The following SGPP2 variants were observed in gnomAD, a reference collection of about 807,000 sequenced individuals.
The protein encoded by SGPP2 is sphingosine 1-phosphate phosphohydrolase 2.
Under a neutral mutation model 33.9 loss-of-function variants are expected in SGPP2, and 30 were observed. That is an observed-to-expected ratio of 0.89 (90% CI 0.66 to 1.20). The LOEUF is 1.20. Ranked by LOEUF, SGPP2 falls within the 50% of genes most tolerant of loss-of-function variation. The pLI, the probability that SGPP2 is intolerant of heterozygous loss-of-function variation, is 0.00. For missense variants in SGPP2, 458 were observed against 532.1 expected, an observed-to-expected ratio of 0.86 and a Z score of 1.37; for synonymous variants, 233 against 225.0, an observed-to-expected ratio of 1.04 and a Z score of -0.32.
intron 2 of SGPP2, among the ~76,000 whole-genome samples, chr2:222,497,078 A>G (rs889948657): frequency 2.0e-5 from 3 of 152,292 alleles, no homozygotes; most frequent in African/African-American, 7.2e-5. Context: ...TCTTAATGGA[A>G]TGGCTCCCCA....
chr2:222,514,000 A>C (rs1252155047), intron 2 of SGPP2, among the ~76,000 whole-genome samples: 1 of 152,264 alleles, frequency 6.6e-6, no homozygotes, highest in African/African-American at 2.4e-5. Context: ...CACTAAATTT[A>C]AAATAATAGC....
chr2:222,492,415 C>G (rs991914910), intron 2 of SGPP2, among the ~76,000 whole-genome samples: 3 of 152,270 alleles, frequency 2.0e-5, no homozygotes, highest in Non-Finnish European at 4.4e-5. Flanking sequence ...GCCACCAAGG[C>G]TTGGGGCTTG....
Position 222,458,905 on chromosome 2 carries a change from A to G in SGPP2, c.220-15663A>G, listed in dbSNP as rs368234272. Among the ~76,000 whole-genome samples, 254 of 152,268 alleles carry G rather than the reference A, an allele frequency of 1.7e-3. 2 individuals are homozygous for G. The Middle Eastern group carries it at 0.017, about 10-fold the overall frequency. On this transcript the variant is annotated intron_variant, in intron 1 of 4. Transcript: ENST00000321276. The stretch of plus-strand genomic sequence containing the variant: ...GTGGTTTCCCTATACATGTGTACAT[A>G]TTAAGTAGGCCCAGATAGAATAGCA...
chr2:222,558,421 C>T lies in SGPP2; in HGVS notation c.723C>T (p.Cys241=). ...ACCCTGCCTGGACCTTCATCGACTG[C>T]CTGGACTCGGCCAGCCCCCTCTTCC... ...LTYPAWTFID[C]LDSASPLFPV... Residue 241 remains cysteine (C), a synonymous_variant, in exon 5 of 5, where the codon TGC becomes TGT. Transcript: ENST00000321276. The T allele has an allele frequency of 6.2e-7, 1 of 1,614,168 alleles. No homozygotes were observed. Among genetic ancestry groups the T allele is most frequent in the Non-Finnish European group, 8.5e-7 (1 of 1,180,028 alleles).
In SGPP2 at chr2:222,550,939, G is replaced by A. The variant is rs780035118; in HGVS notation, c.649-7408G>A. ...ATTTTCTTAGAATCAATTCCTAGGA[G>A]TGGAATCACTGGGTCTAGGTGTTTG... On this transcript the variant is annotated intron_variant, in intron 4 of 4. Coordinates refer to ENST00000321276, the MANE Select transcript of SGPP2 (RefSeq NM_152386.4). The surrounding 1 kb of genome is among the most constrained non-coding windows in gnomAD (Gnocchi z 4.5). Among the ~76,000 whole-genome samples the A allele has an allele frequency of 5.9e-5, 9 of 152,198 alleles. No homozygotes were observed. The highest frequency in any genetic ancestry group is 1.2e-4 in the Non-Finnish European group (8 of 68,034).
Position 222,474,482 on chromosome 2 carries a change from A to G in SGPP2, c.220-86A>G, listed in dbSNP as rs576225728. On this transcript the variant is annotated intron_variant, in intron 1 of 4. Transcript: ENST00000321276. ...TGGGAGAGGAGACAGCGTCTTGGCA[A>G]TTGAGACCTGTGAGTTTTAGACAGA... 27 of 1,265,808 alleles carry G rather than the reference A, an allele frequency of 2.1e-5. No individual in the cohort carries two copies. The South Asian group carries it at 3.0e-4, about 14-fold the overall frequency. The allele number at this position is 1,265,808 out of a possible 1,614,324, so 78.4% of individuals were successfully genotyped here.
intron 4 of SGPP2, among the ~76,000 whole-genome samples, chr2:222,535,651 C>T (rs74409702): frequency 0.021 from 3,233 of 152,306 alleles, 83 homozygotes; most frequent in African/African-American, 0.059. Flanking sequence ...TCCTTTCTGC[C>T]GCAGTGGAGA....
At position 222,476,984 on chromosome 2, in the gene SGPP2, G is replaced by A. The variant is rs1697946583; in HGVS notation, c.378+2258G>A. Among the ~76,000 whole-genome samples the A allele has an allele frequency of 6.6e-6, 1 of 151,466 alleles. No individual in the cohort carries two copies. Among genetic ancestry groups the A allele is most frequent in the African/African-American group, 2.4e-5 (1 of 41,160 alleles). ...AGTGTGTATATGTGTATATATAGGT[G>A]TGTGTATATTTTGTGTATTTATGTG... On this transcript the variant is annotated intron_variant, in intron 2 of 4. Transcript: ENST00000321276. This position sits in a 1 kb window ranked among gnomAD's most constrained non-coding sequence, Gnocchi z 4.3.
In SGPP2 at chr2:222,532,280, AG is replaced by A. The variant is rs1698850596; in HGVS notation, c.648+7248del. Among the ~76,000 whole-genome samples the A allele has an allele frequency of 3.3e-5, 5 of 152,158 alleles. No individual in the cohort carries two copies. The South Asian group carries it at 8.3e-4, about 25-fold the overall frequency. On this transcript the variant is annotated intron_variant, in intron 4 of 4. Coordinates refer to ENST00000321276, the MANE Select transcript of SGPP2 (RefSeq NM_152386.4). ...CAAGAGTGAAACTCTGTCTCAAAAAAGAAAAAAAAGAAAAGAAAAAAGAAAA... is the reference window on the plus strand; with the variant it reads ...CAAGAGTGAAACTCTGTCTCAAAAAAAAAAAAAAGAAAAGAAAAAAGAAAA...
At chr2:222,498,087 C>A (rs1339320563) in intron 2 of SGPP2, among the ~76,000 whole-genome samples, 1 of 150,558 alleles carries the variant, frequency 6.6e-6, no homozygotes, top group Non-Finnish European at 1.5e-5. Flanking sequence ...ACACAGGACC[C>A]CTTCTCAGTC....
intron 1 of SGPP2, among the ~76,000 whole-genome samples, chr2:222,459,142 C>CTTTCTTTTTTTTTTTTTTTTTTT (rs1414316448): frequency 2.1e-5 from 2 of 94,464 alleles, no homozygotes; most frequent in Non-Finnish European, 4.3e-5. Context: ...TTCTTTCTTT[C>CTTTCTTTTTTTTTTTTTTTTTTT]TTTTTTTTTT....
rs1574897777 is a variant in SGPP2, at chr2:222,558,971, T to C, written c.*73T>C. The C allele has an allele frequency of 4.8e-6, 7 of 1,457,094 alleles. No individual in the cohort carries two copies. The East Asian group carries it at 1.6e-4, about 33-fold the overall frequency. The allele number at this position is 1,457,094 out of a possible 1,614,324, so 90.3% of individuals were successfully genotyped here. A position where few individuals can be genotyped will look rare whatever the true frequency, so the allele number is the denominator to read the frequency against. ...TAGGAAAGTTATTGGTAGGCAAATC[T>C]TGACAACTTATTTTTCTTTAACAAC... is the stretch of plus-strand genomic sequence containing the variant. On this transcript the variant is annotated 3_prime_UTR_variant, in exon 5 of 5. Transcript: ENST00000321276.
chr2:222,445,035 A>G (rs901418210), intron 1 of SGPP2, among the ~76,000 whole-genome samples: 3 of 152,198 alleles, frequency 2.0e-5, no homozygotes, highest in African/African-American at 7.2e-5. Context: ...GACCAGGAAG[A>G]GAGGATCCTT....
chr2:222,437,089 T>C (rs1302585726), intron 1 of SGPP2, among the ~76,000 whole-genome samples: 2 of 152,212 alleles, frequency 1.3e-5, no homozygotes, highest in Non-Finnish European at 2.9e-5. Flanking sequence ...AAAATCCTCC[T>C]CTGCTGAGGC....
chr2:222,475,346 A>G (rs1697917586), intron 2 of SGPP2, among the ~76,000 whole-genome samples: 1 of 152,194 alleles, frequency 6.6e-6, no homozygotes, highest in East Asian at 1.9e-4. Flanking sequence ...GATTTTGTGT[A>G]CTTTGAGATA....
intron 2 of SGPP2, among the ~76,000 whole-genome samples, chr2:222,475,791 T>C (rs1574850277): frequency 6.6e-6 from 1 of 152,296 alleles, no homozygotes; most frequent in East Asian, 1.9e-4. Flanking sequence ...ACTCCAGATA[T>C]GTAGGTTTGG....
At chr2:222,525,193 G>A (rs183761575) in intron 4 of SGPP2, among the ~76,000 whole-genome samples, 160 bp downstream of exon 4, 3 of 152,332 alleles carry the variant, frequency 2.0e-5, no homozygotes, top group East Asian at 3.9e-4. Context: ...TCGGGTGCAT[G>A]TATGATAATA....
chr2:222,452,459 G>T (rs1574838001), intron 1 of SGPP2: 1 of 805,332 alleles, frequency 1.2e-6, no homozygotes, highest in East Asian at 2.4e-5. Flanking sequence ...ATGGTTTGTG[G>T]AGTACTAAAA....
chr2:222,542,698 G>C (rs1178170785), intron 4 of SGPP2, among the ~76,000 whole-genome samples: 1 of 151,924 alleles, frequency 6.6e-6, no homozygotes, highest in Non-Finnish European at 1.5e-5. Flanking sequence ...ACCCTCCTTT[G>C]TGGGGTGACG....
Sources: allele counts gnomAD v4.1 joint callset (sites outside exome capture counted in the v4.1 genomes callset), GRCh38; gene constraint gnomAD v4.1.1; non-coding constraint Gnocchi (gnomAD v3.1); transcripts MANE v1.5; gene names NCBI Gene and HGNC (gene_info 2026-07-23, HGNC 2026-07-21).